Variants in CD96 observed in about 807,000 individuals in gnomAD.
CD96 encodes CD96 molecule.
CD96 carries 70 observed loss-of-function variants against 71.3 expected under a neutral mutation model. The ratio of observed to expected loss-of-function variants is 0.98; its 90% confidence interval spans 0.81 to 1.20. The LOEUF is 1.20. Among genes scored for constraint, CD96 ranks in the 50% most tolerant of loss-of-function variants. The probability of loss-of-function intolerance (pLI) is 0.00; values close to 1 mark genes in which losing one functional copy is unlikely to be tolerated. For synonymous variants in CD96, 248 were observed against 233.0 expected, an observed-to-expected ratio of 1.06 and a Z score of -0.59; for missense variants, 742 against 677.5, an observed-to-expected ratio of 1.10 and a Z score of -1.06.
At chr3:111,665,954 C>T (rs568820787), downstream of CD96, among the ~76,000 whole-genome samples, 3 of 152,342 alleles carry the variant, frequency 2.0e-5, no homozygotes, top group Admixed American at 2.0e-4. Flanking sequence ...GGGTACACAG[C>T]TTGACCAATA....
chr3:111,548,458 C>G (rs1055981848), intron 2 of CD96, among the ~76,000 whole-genome samples: 1 of 152,134 alleles, frequency 6.6e-6, no homozygotes, highest in African/African-American at 2.4e-5. Context: ...GACAGAGTTT[C>G]CTCCTAGGTT....
chr3:111,609,427 G>A (rs1000978989), intron 8 of CD96, among the ~76,000 whole-genome samples: 6 of 151,856 alleles, frequency 4.0e-5, no homozygotes, highest in African/African-American at 1.5e-4. Flanking sequence ...TAGGTGCTGT[G>A]AATACAGCAA....
intron 2 of CD96, among the ~76,000 whole-genome samples, chr3:111,566,876 A>G (rs1248073668): frequency 2.0e-5 from 3 of 152,188 alleles, no homozygotes; most frequent in Non-Finnish European, 2.9e-5. Context: ...CAGGAAAACT[A>G]TTATGTATGA....
At chr3:111,570,733 C>T (rs937343713) in intron 3 of CD96, 73 of 1,613,188 alleles carry the variant, frequency 4.5e-5, no homozygotes, top group Non-Finnish European at 5.3e-5. Context: ...TTGATCTTGT[C>T]CAGATACTCT....
intron 3 of CD96, among the ~76,000 whole-genome samples, chr3:111,569,337 A>T (rs1258794629): frequency 6.6e-6 from 1 of 152,216 alleles, no homozygotes; most frequent in Non-Finnish European, 1.5e-5. Context: ...TCTCTTTGTC[A>T]TCTGTCACAA....
intron 7 of CD96, among the ~76,000 whole-genome samples, chr3:111,601,969 GTGTATA>G (rs1937511523): frequency 6.6e-6 from 1 of 152,168 alleles, no homozygotes; most frequent in Non-Finnish European, 1.5e-5. Flanking sequence ...CTGTGTGTCT[GTGTATA>G]TGTATATGTA....
intron 1 of CD96, among the ~76,000 whole-genome samples, chr3:111,543,323 CA>C (rs1395398815): frequency 7.9e-5 from 12 of 152,202 alleles, no homozygotes; most frequent in Non-Finnish European, 1.6e-4. Flanking sequence ...AGGCATGTCA[CA>C]GTCTCAATGC....
intron 14 of CD96, among the ~76,000 whole-genome samples, chr3:111,659,211 T>C (rs954470816): frequency 1.3e-5 from 2 of 152,178 alleles, no homozygotes; most frequent in Non-Finnish European, 2.9e-5. Context: ...TGTATTTACG[T>C]GGGATCAGTT....
intron 8 of CD96, among the ~76,000 whole-genome samples, chr3:111,614,568 G>A (rs1252670811): frequency 1.3e-5 from 2 of 152,122 alleles, no homozygotes; most frequent in Admixed American, 1.3e-4. Context: ...AACTTCTGAA[G>A]GTCAGCTCCT....
At chr3:111,558,469 T>C (rs1455192954) in intron 2 of CD96, among the ~76,000 whole-genome samples, 1 of 103,312 alleles carries the variant, frequency 9.7e-6, no homozygotes, top group Non-Finnish European at 1.9e-5. Flanking sequence ...GATAATCATG[T>C]GGTTTTTGTC....
intron 12 of CD96, among the ~76,000 whole-genome samples, chr3:111,644,990 A>T (rs993507536): frequency 6.6e-6 from 1 of 152,220 alleles, no homozygotes; most frequent in Non-Finnish European, 1.5e-5. Context: ...CCATCATTTG[A>T]TCCAGCAATC....
At chr3:111,654,701 C>T (rs1311007620), downstream of CD96, among the ~76,000 whole-genome samples, 1 of 152,198 alleles carries the variant, frequency 6.6e-6, no homozygotes, top group Non-Finnish European at 1.5e-5. Flanking sequence ...GAGAGCATGG[C>T]TGGGGCCATA....
rs906868371 is a variant in CD96, at chr3:111,651,616, C to G, written c.*1810C>G. The G allele has an allele frequency of 1.3e-5, 2 of 152,628 alleles. No homozygotes were observed. Among genetic ancestry groups the G allele is most frequent in the African/African-American group, 4.8e-5 (2 of 41,446 alleles). The allele number at this position is 152,628 out of a possible 1,614,324, so 9.5% of individuals were successfully genotyped here. ...TACCTGTCGTGGCCGGGCGCAGTGGCTCACGCCTGTAATCCCAGCACTTTG... is the reference window on the plus strand; with the variant it reads ...TACCTGTCGTGGCCGGGCGCAGTGGGTCACGCCTGTAATCCCAGCACTTTG... On this transcript the variant is annotated 3_prime_UTR_variant, in exon 14 of 14. Coordinates refer to ENST00000352690, the MANE Select transcript of CD96 (RefSeq NM_005816.5).
intron 12 of CD96, among the ~76,000 whole-genome samples, chr3:111,641,537 C>A (rs1165826483): frequency 6.6e-6 from 1 of 152,110 alleles, no homozygotes; most frequent in Non-Finnish European, 1.5e-5. Flanking sequence ...TAGACAGCAA[C>A]AAAATAATAG....
intron 5 of CD96, chr3:111,594,229 A>G (rs771940885): frequency 6.5e-7 from 1 of 1,528,036 alleles, no homozygotes; most frequent in Admixed American, 2.1e-5. Flanking sequence ...GTTCTTTATG[A>G]TGTGCTTAGA....
At chr3:111,604,546 A>G (rs1937571279) in intron 7 of CD96, among the ~76,000 whole-genome samples, 1 of 152,214 alleles carries the variant, frequency 6.6e-6, no homozygotes. Flanking sequence ...CTCTGTCACA[A>G]GGCAAAGTGT....
intron 14 of CD96, among the ~76,000 whole-genome samples, chr3:111,658,125 A>G (rs1233450799): frequency 6.6e-6 from 1 of 152,238 alleles, no homozygotes; most frequent in African/African-American, 2.4e-5. Context: ...AGTGAACTTG[A>G]AATACTTTGT....
chr3:111,655,591 G>A (rs1183262674), downstream of CD96, among the ~76,000 whole-genome samples: 8 of 152,134 alleles, frequency 5.3e-5, no homozygotes, highest in African/African-American at 1.4e-4. Flanking sequence ...GAGACATAGT[G>A]ATGGGACTTG....
rs556466943 is a variant in CD96, at chr3:111,649,887, G to A, written c.*81G>A. On this transcript the variant is annotated 3_prime_UTR_variant, in exon 14 of 14. Coordinates refer to ENST00000352690, the MANE Select transcript of CD96 (RefSeq NM_005816.5). ...GACATTGTGCTTTATTAATATAGTC[G>A]CTCTTCAGCCATGCCTTTGCTGCAG... 1.3e-4 allele frequency: 126 copies of A among 934,736 alleles called. No homozygotes were observed. Among genetic ancestry groups the A allele is most frequent in the African/African-American group, 8.7e-4 (54 of 62,022 alleles). The allele number at this position is 934,736 out of a possible 1,614,324, so 57.9% of individuals were successfully genotyped here.
Sources: allele counts gnomAD v4.1 joint callset (sites outside exome capture counted in the v4.1 genomes callset), GRCh38; gene constraint gnomAD v4.1.1; transcripts MANE v1.5; gene names NCBI Gene and HGNC (gene_info 2026-07-23, HGNC 2026-07-21).